Variants in WT1 observed in about 807,000 individuals in gnomAD.
The protein encoded by WT1 is WT1 transcription factor.
A neutral mutation model predicts 60.8 loss-of-function variants in WT1; 8 were observed. The ratio of observed to expected loss-of-function variants is 0.13; its 90% CI spans 0.08 to 0.24. The LOEUF (loss-of-function observed/expected upper bound fraction) is 0.24. Among genes scored for constraint, WT1 ranks in the 10% least tolerant of loss-of-function variants. The probability of loss-of-function intolerance (pLI) is 1.00; values close to 1 mark genes in which losing one functional copy is unlikely to be tolerated. For missense variants in WT1, 568 were observed against 711.8 expected, an observed-to-expected ratio of 0.80 and a Z score of 2.30; for synonymous variants, 312 against 297.1, an observed-to-expected ratio of 1.05 and a Z score of -0.52.
intron 3 of WT1, among the ~76,000 whole-genome samples, chr11:32,425,790 A>G (rs1853015471): frequency 6.6e-6 from 1 of 152,246 alleles, no homozygotes; most frequent in Non-Finnish European, 1.5e-5. Flanking sequence ...ACAGGACCAA[A>G]GAAAGTTCCT....
intron 5 of WT1, among the ~76,000 whole-genome samples, chr11:32,411,933 T>G (rs76425440): frequency 0.01 from 1,525 of 152,146 alleles, 26 homozygotes; most frequent in African/African-American, 0.035. Context: ...CGGTGGAAAA[T>G]TAATAACTTG....
intron 3 of WT1, among the ~76,000 whole-genome samples, chr11:32,427,302 G>A (rs1031199434): frequency 6.6e-6 from 1 of 152,236 alleles, no homozygotes; most frequent in African/African-American, 2.4e-5. Flanking sequence ...GAGGAAGCAC[G>A]GAGCGGGGAA....
In WT1 at chr11:32,430,455, G is replaced by GGGTA. The variant is rs879030126; in HGVS notation, c.662-1837_662-1836insTACC. The GGGTA allele has an allele frequency of 4.7e-5, 42 of 898,564 alleles. No individual in the cohort carries two copies. In the African/African-American group the frequency reaches 9.2e-4, roughly 20 times the overall value. The allele number at this position is 898,564 out of a possible 1,614,324, so 55.7% of individuals were successfully genotyped here. A position where few individuals can be genotyped will look rare whatever the true frequency, so the allele number is the denominator to read the frequency against. ...CACAGAGAGAGAGAGAGAGAGGGAG[G>GGGTA]GAGAGAGAGAGAGAGAGAGAGAGAG... On this transcript the variant is annotated intron_variant, in intron 1 of 9. Coordinates refer to ENST00000452863, the MANE Select transcript of WT1 (RefSeq NM_024426.6).
chr11:32,428,855 G>C (rs560672347), intron 1 of WT1: 1 of 610,066 alleles, frequency 1.6e-6, no homozygotes, highest in Non-Finnish European at 2.9e-6. Flanking sequence ...CCCCCACCTC[G>C]CTTTTTCCCA....
intron 5 of WT1, among the ~76,000 whole-genome samples, chr11:32,405,146 T>C (rs531741581): frequency 1.3e-5 from 2 of 152,248 alleles, no homozygotes; most frequent in South Asian, 4.1e-4. Context: ...AAGGCGACCC[T>C]AAAGAATGAG....
chr11:32,422,111 A>C (rs1852875392), intron 3 of WT1, among the ~76,000 whole-genome samples: 1 of 152,234 alleles, frequency 6.6e-6, no homozygotes, highest in Non-Finnish European at 1.5e-5. Context: ...CCAGACTTCC[A>C]CACACCCTTT....
intron 5 of WT1, among the ~76,000 whole-genome samples, chr11:32,401,356 G>A (rs1852148808): frequency 6.6e-6 from 1 of 152,170 alleles, no homozygotes; most frequent in Admixed American, 6.5e-5. Context: ...GGGGAGTTGG[G>A]AAGGCAAAGA....
At chr11:32,428,183 G>A (rs1853127889) in intron 2 of WT1, 125 bp from the exon 3 acceptor site, 1 of 977,202 alleles carries the variant, frequency 1.0e-6, no homozygotes, top group Non-Finnish European at 1.5e-6. Context: ...GATGAGCGGC[G>A]TGCAGAGCGA....
At chr11:32,423,027 C>T (rs1048466595) in intron 3 of WT1, among the ~76,000 whole-genome samples, 2 of 152,068 alleles carry the variant, frequency 1.3e-5, no homozygotes, top group African/African-American at 2.4e-5. Context: ...CTGGGGTCTC[C>T]GAGGAAGTCA....
intron 5 of WT1, among the ~76,000 whole-genome samples, chr11:32,407,931 A>G (rs1852366681): frequency 1.3e-5 from 2 of 152,216 alleles, no homozygotes; most frequent in Non-Finnish European, 2.9e-5. Flanking sequence ...CCTCTAGGAA[A>G]TACAGGGGAG....
chr11:32,398,240 G>A (rs1365006090), intron 6 of WT1, among the ~76,000 whole-genome samples: 1 of 152,154 alleles, frequency 6.6e-6, no homozygotes, highest in African/African-American at 2.4e-5. Context: ...CTTGCCCCAC[G>A]TATCATGTGG....
At position 32,389,149 on chromosome 11, in the gene WT1, C is replaced by T. The variant is rs763551837; in HGVS notation, c.1478G>A (p.Ser493Asn). 1.9e-6 allele frequency: 3 copies of T among 1,614,222 alleles called. No homozygotes were observed. Among genetic ancestry groups the T allele is most frequent in the Non-Finnish European group, 2.5e-6 (3 of 1,180,042 alleles). The stretch of plus-strand genomic sequence containing the variant: ...TGACCGGGCAAACTTTTTCTGACAA[C>T]TTGGCCACCGACAGCTGAAGGGCTT... Residue 493 changes from serine (S) to asparagine (N), a missense_variant, in exon 10 of 10, where the codon AGT becomes AAT. Physicochemically the swap from Ser to Asn is conservative, Grantham distance 46 (BLOSUM62 1). This residue lies in a region of WT1 where 29 missense variants were observed against 46.8 expected (regional missense o/e 0.62). Coordinates refer to ENST00000452863, the MANE Select transcript of WT1 (RefSeq NM_024426.6).
At chr11:32,429,084 C>T in intron 1 of WT1, 1 of 280,832 alleles carries the variant, frequency 3.6e-6, no homozygotes, top group South Asian at 4.0e-5. Flanking sequence ...CGCGCACCAA[C>T]TTTCATTAAT....
rs772409488 is a variant in WT1 at position 32,428,567 on chromosome 11, C to A, written c.714G>T (p.Ser238=). Reference sequence around the variant, plus strand: ...GGTTGGGGAACTGCGCCGCATGGTGCGAGGGCGTGTGACCGTAGCTGGGCG... The same window carrying A: ...GGTTGGGGAACTGCGCCGCATGGTGAGAGGGCGTGTGACCGTAGCTGGGCG... Residue 238 remains serine (S), a synonymous_variant, in exon 2 of 10, where the codon TCG becomes TCT. Coordinates refer to ENST00000452863, the MANE Select transcript of WT1 (RefSeq NM_024426.6). The A allele has an allele frequency of 2.7e-5, 43 of 1,613,868 alleles. No individual in the cohort carries two copies. The highest frequency in any genetic ancestry group is 3.4e-5 in the Non-Finnish European group (40 of 1,180,026).
intron 3 of WT1, among the ~76,000 whole-genome samples, chr11:32,427,398 G>T (rs1590392908): frequency 6.6e-6 from 1 of 152,314 alleles, no homozygotes; most frequent in East Asian, 1.9e-4. Flanking sequence ...TCCCCGCAGG[G>T]CCCTGTTGCG....
At position 32,388,965 on chromosome 11, in the gene WT1, T is replaced by C; in HGVS notation, c.*93A>G. On this transcript the variant is annotated 3_prime_UTR_variant, in exon 10 of 10. Coordinates refer to ENST00000452863, the MANE Select transcript of WT1 (RefSeq NM_024426.6). ...TGGATGAAGAAGATCAACTGAAGTT[T>C]CCTTTTTAGTGAGGAGGAGTGGAGA... 1 of 1,600,044 alleles carries C rather than the reference T, an allele frequency of 6.2e-7. No individual in the cohort carries two copies.
intron 1 of WT1, chr11:32,430,515 T>C (rs1853264510): frequency 1.3e-6 from 2 of 1,588,358 alleles, no homozygotes; most frequent in Non-Finnish European, 1.7e-6. Flanking sequence ...ACGAAGAAGT[T>C]TTCTCTAGAC....
intron 5 of WT1, 139 bp from the exon 6 acceptor site, chr11:32,400,183 GC>G: frequency 9.8e-7 from 1 of 1,019,690 alleles, no homozygotes; most frequent in Non-Finnish European, 1.5e-6. Flanking sequence ...CCTCCATGGG[GC>G]CACTTTAGAT....
At chr11:32,418,559 C>G (rs1056408893) in intron 3 of WT1, among the ~76,000 whole-genome samples, 1 of 152,182 alleles carries the variant, frequency 6.6e-6, no homozygotes, top group African/African-American at 2.4e-5. Context: ...AAATTTCACT[C>G]TACCTTCATG....
Sources: gnomAD v4.1 joint callset for allele counts (sites outside exome capture counted in the v4.1 genomes callset) on GRCh38, gnomAD v4.1.1 for gene constraint, gnomAD v4.1.1 regional missense constraint, MANE v1.5 for transcripts, NCBI Gene and HGNC (gene_info 2026-07-23, HGNC 2026-07-21) for gene names.